The following ITGA6 variants were observed in gnomAD, a reference collection of about 807,000 sequenced individuals.
ITGA6 encodes integrin subunit alpha 6, also known as integrin alpha-6.
In ITGA6, 63 loss-of-function variants were observed where a neutral mutation model predicts 133.6. That is an observed-to-expected ratio of 0.47 (90% CI 0.38 to 0.58). The LOEUF (loss-of-function observed/expected upper bound fraction) is 0.58, where lower values mean the gene tolerates loss of function less well. Ranked by LOEUF, ITGA6 falls within the 20% of genes least tolerant of loss-of-function variation. ITGA6 has a pLI of 0.00. For missense variants in ITGA6, 1,068 were observed against 1,309.4 expected, an observed-to-expected ratio of 0.82 and a Z score of 2.85; for synonymous variants, 434 against 482.0, an observed-to-expected ratio of 0.90 and a Z score of 1.30.
Position 172,475,041 on chromosome 2 carries a change from A to T in ITGA6, c.1099A>T (p.Ile367Phe), listed in dbSNP as rs201246910. 8 of 1,608,028 alleles carry T rather than the reference A, an allele frequency of 5.0e-6. No homozygotes were observed. The Admixed American group carries it at 1.2e-4, about 23-fold the overall frequency. Residue 367 changes from isoleucine (I) to phenylalanine (F), a missense_variant, in exon 7 of 26, where the codon ATT (isoleucine) becomes TTT (phenylalanine). Transcript: ENST00000684293. ...AGGCAGATGGAATAATGTGAAGCCA[A>T]TTCGTCTTAATGGAACCAAAGATTC... is the stretch of plus-strand genomic sequence containing the variant. ...QQGRWNNVKPIRLNGTKDSMF... is the reference protein window; with the variant it reads ...QQGRWNNVKPFRLNGTKDSMF...
intron 24 of ITGA6, among the ~76,000 whole-genome samples, chr2:172,498,807 C>T (rs1452223469): frequency 6.6e-6 from 1 of 152,178 alleles, no homozygotes; most frequent in Admixed American, 6.5e-5. Flanking sequence ...TAGAGGCTTA[C>T]AGTCCCTTAT....
chr2:172,487,137 A>C lies in ITGA6; in HGVS notation c.1969A>C (p.Ile657Leu), dbSNP rs368015396. ...TCAAGACAAATTTTCTTATTTACCA[A>C]TGTAAGAATCGTTGTGTAGCACTAG... ...GNQDKFSYLP[I>L]QKGVPELVLK... Residue 657 changes from isoleucine (I) to leucine (L), a missense_variant and splice_region_variant, in exon 14 of 26, where the codon ATT becomes CTT. By Grantham distance (5) the Ile-to-Leu change is conservative. Coordinates refer to ENST00000684293, the MANE Select transcript of ITGA6 (RefSeq NM_000210.4). The C allele has an allele frequency of 5.1e-6, 8 of 1,581,882 alleles. No individual in the cohort carries two copies. In the Admixed American group the frequency reaches 6.7e-5, roughly 13 times the overall value.
chr2:172,501,635 T>C (rs921694746), intron 24 of ITGA6, 137 bp from the exon 25 acceptor site: 2 of 742,186 alleles, frequency 2.7e-6, no homozygotes, highest in Admixed American at 2.0e-5. Flanking sequence ...GCAGTGGCTG[T>C]TCATTGTTGG....
At chr2:172,498,132 C>G (rs1476121388) in intron 24 of ITGA6, 32 bp downstream of exon 24, 3 of 1,598,686 alleles carry the variant, frequency 1.9e-6, no homozygotes, top group South Asian at 2.2e-5. Context: ...AATTTCATAA[C>G]AAACTTTATT....
chr2:172,436,461 C>T (rs76162654), intron 1 of ITGA6, among the ~76,000 whole-genome samples: 2 of 152,168 alleles, frequency 1.3e-5, no homozygotes, highest in East Asian at 3.8e-4. Context: ...TGAGGATCCT[C>T]ATTCAGGATG....
chr2:172,496,741 A>G (rs1453670069), intron 23 of ITGA6, among the ~76,000 whole-genome samples: 1 of 152,250 alleles, frequency 6.6e-6, no homozygotes. Flanking sequence ...TCATGTTCAC[A>G]ATAATCACCA....
chr2:172,485,135 T>G lies in ITGA6; in HGVS notation c.1725T>G (p.Asp575Glu), dbSNP rs1686608686. ...ETLWLQDNIR[D>E]KLRPIPITAS... The stretch of plus-strand genomic sequence containing the variant: ...TTTTCATGCAGGATAATATCAGAGA[T>G]AAACTGCGTCCCATTCCCATAACTG... Residue 575 changes from aspartate to glutamate, a missense_variant, in exon 13 of 26, where the codon GAT becomes GAG. Physicochemically the swap from Asp to Glu is conservative, Grantham distance 45. Coordinates refer to ENST00000684293, the MANE Select transcript of ITGA6 (RefSeq NM_000210.4). 6.2e-7 allele frequency: 1 copy of G among 1,614,146 alleles called. No homozygotes were observed. Among genetic ancestry groups the G allele is most frequent in the Non-Finnish European group, 8.5e-7 (1 of 1,179,954 alleles).
chr2:172,439,750 G>T (rs1209585977), intron 1 of ITGA6, among the ~76,000 whole-genome samples: 2 of 152,140 alleles, frequency 1.3e-5, no homozygotes, highest in Non-Finnish European at 2.9e-5. Context: ...GGAAGACTGA[G>T]ACCCAGAAAA....
chr2:172,496,138 C>A (rs16860583), intron 23 of ITGA6, among the ~76,000 whole-genome samples: 3,566 of 152,308 alleles, frequency 0.023, 140 homozygotes, highest in African/African-American at 0.081. Flanking sequence ...TTACCAACCA[C>A]GTAACTATTC....
rs1687193603 is a variant in ITGA6 at position 172,497,888 on chromosome 2, A to T, written c.2989-87A>T. On this transcript the variant is annotated intron_variant, in intron 23 of 25. Coordinates refer to ENST00000684293, the MANE Select transcript of ITGA6 (RefSeq NM_000210.4). ...TCACAGGCTGCATTGTCCAAAATAT[A>T]TTCAAAAGCAGAATTAGAACCATAA... 3 of 1,449,008 alleles carry T rather than the reference A, an allele frequency of 2.1e-6. No individual in the cohort carries two copies. In the South Asian group the frequency reaches 3.4e-5, roughly 17 times the overall value. 89.8% of individuals were successfully genotyped at this position (1,449,008 alleles called of 1,614,324 possible).
In ITGA6 at chr2:172,479,748, C is replaced by A; in HGVS notation, c.1487+9C>A. On this transcript the variant is annotated intron_variant, in intron 10 of 25. Transcript: ENST00000684293. ...GCGCCTAGTGGGATATGGTGAGCAT[C>A]CCTCTGTCTTGGTGGGATCCCCCTC... The A allele has an allele frequency of 6.2e-7, 1 of 1,610,242 alleles. No homozygotes were observed. Among genetic ancestry groups the A allele is most frequent in the South Asian group, 1.1e-5 (1 of 90,966 alleles).
rs1002595098 is a variant in ITGA6, at chr2:172,475,528, C to T, written c.1181-69C>T. ...AAATAATAGTGCTTGTGTCATCTTA[C>T]TTTAAAACATTTTACTAGAGTGTTT... On this transcript the variant is annotated intron_variant, in intron 7 of 25. Coordinates refer to ENST00000684293, the MANE Select transcript of ITGA6 (RefSeq NM_000210.4). 4.4e-6 allele frequency: 4 copies of T among 914,836 alleles called. No individual in the cohort carries two copies. In the African/African-American group the frequency reaches 4.9e-5, roughly 11 times the overall value. The allele number at this position is 914,836 out of a possible 1,614,324, so 56.7% of individuals were successfully genotyped here.
chr2:172,459,156 A>G (rs1273953672), intron 1 of ITGA6, among the ~76,000 whole-genome samples: 1 of 152,180 alleles, frequency 6.6e-6, no homozygotes, highest in African/African-American at 2.4e-5. Context: ...GTGGAGTGAA[A>G]GAGGTCCCAC....
At chr2:172,436,680 G>T (rs909103454) in intron 1 of ITGA6, among the ~76,000 whole-genome samples, 2 of 152,214 alleles carry the variant, frequency 1.3e-5, no homozygotes, top group African/African-American at 4.8e-5. Context: ...GTCTGGACCT[G>T]CCAGAGAAAC....
chr2:172,452,263 A>G lies in ITGA6; in HGVS notation c.183-13276A>G, dbSNP rs572320019. On this transcript the variant is annotated intron_variant, in intron 1 of 25. Coordinates refer to ENST00000684293, the MANE Select transcript of ITGA6 (RefSeq NM_000210.4). ...AGGCTCCCTTTGAACCTTTGTCCCTATTTCTGTAAAATTAGGAGCTCAAAT... is the reference window on the plus strand; with the variant it reads ...AGGCTCCCTTTGAACCTTTGTCCCTGTTTCTGTAAAATTAGGAGCTCAAAT... Among the ~76,000 whole-genome samples the G allele has an allele frequency of 2.6e-5, 4 of 152,190 alleles. No individual in the cohort carries two copies. The South Asian group carries it at 8.3e-4, about 32-fold the overall frequency.
chr2:172,430,329 T>G (rs904247507), intron 1 of ITGA6, among the ~76,000 whole-genome samples: 19 of 152,240 alleles, frequency 1.2e-4, no homozygotes, highest in African/African-American at 4.1e-4. Context: ...TCTTAAACAT[T>G]CTGTGATTCT....
Position 172,491,545 on chromosome 2 carries a change from T to A in ITGA6, c.2988+22T>A. 4 of 1,489,462 alleles carry A rather than the reference T, an allele frequency of 2.7e-6. No homozygotes were observed. The highest frequency in any genetic ancestry group is 3.7e-6 in the Non-Finnish European group (4 of 1,067,736). 92.3% of individuals were successfully genotyped at this position (1,489,462 alleles called of 1,614,324 possible). On this transcript the variant is annotated intron_variant, in intron 23 of 25. Transcript: ENST00000684293. This position sits in a 1 kb window ranked among gnomAD's most constrained non-coding sequence, Gnocchi z 4.4. ...TCAGGTGAGAGGTTCCCCAGCTTCATTCAGGTTCAGAACATGTCTCTTTTC... is the reference window on the plus strand; with the variant it reads ...TCAGGTGAGAGGTTCCCCAGCTTCAATCAGGTTCAGAACATGTCTCTTTTC...
At chr2:172,497,640 T>G (rs1156257994) in intron 23 of ITGA6, among the ~76,000 whole-genome samples, 1 of 152,180 alleles carries the variant, frequency 6.6e-6, no homozygotes, top group Non-Finnish European at 1.5e-5. Flanking sequence ...GGCTGTATAT[T>G]GATAATTGCT....
intron 23 of ITGA6, among the ~76,000 whole-genome samples, chr2:172,493,199 C>T (rs1296259361): frequency 6.6e-6 from 1 of 152,170 alleles, no homozygotes; most frequent in Admixed American, 6.5e-5. Context: ...TGAGCCACTG[C>T]ACCCAGCCCC....
Sources: gnomAD v4.1 joint callset for allele counts (sites outside exome capture counted in the v4.1 genomes callset) on GRCh38, gnomAD v4.1.1 for gene constraint, Gnocchi (gnomAD v3.1) non-coding constraint, MANE v1.5 for transcripts, NCBI Gene and HGNC (gene_info 2026-07-23, HGNC 2026-07-21) for gene names.